NRG1: variants seen among roughly 807,000 people sequenced by gnomAD.
The protein encoded by NRG1 is pro-neuregulin-1, membrane-bound isoform.
NRG1 carries 18 observed loss-of-function variants against 63.8 expected under a neutral mutation model. The observed-to-expected ratio is 0.28, with a 90% confidence interval of 0.19 to 0.42. The LOEUF (loss-of-function observed/expected upper bound fraction) is 0.42. NRG1 is among the 10% of genes least tolerant of loss of function. NRG1 has a pLI of 1.00. For missense variants in NRG1, 762 were observed against 814.7 expected (o/e 0.94, Z 0.79); for synonymous variants, 302 against 301.3 (o/e 1.00, Z -0.02).
intron 1 of NRG1, among the ~76,000 whole-genome samples, chr8:32,067,628 G>T (rs1416314545): frequency 6.6e-6 from 1 of 151,998 alleles, no homozygotes; most frequent in African/African-American, 2.4e-5. Flanking sequence ...CCCTGAGAGT[G>T]AACCTCACCT....
intron 1 of NRG1, among the ~76,000 whole-genome samples, chr8:31,921,467 TACACACACATAC>T (rs1198259389): frequency 3.7e-5 from 3 of 82,092 alleles, no homozygotes; most frequent in African/African-American, 5.6e-5. Flanking sequence ...TTTACACACA[TACACACACATAC>T]ACACACACAC....
At chr8:32,129,045 C>T (rs540435972) in intron 1 of NRG1, among the ~76,000 whole-genome samples, 1 of 151,916 alleles carries the variant, frequency 6.6e-6, no homozygotes, top group Non-Finnish European at 1.5e-5. Context: ...ATTTATGCTC[C>T]CACAATAGTC....
At chr8:32,149,543 A>G (rs1241722084) in intron 1 of NRG1, among the ~76,000 whole-genome samples, 1 of 152,210 alleles carries the variant, frequency 6.6e-6, no homozygotes, top group Non-Finnish European at 1.5e-5. Context: ...TGTAGTTTAT[A>G]CAGAGGATTT....
At chr8:31,800,867 G>A (rs1391132983) in intron 1 of NRG1, among the ~76,000 whole-genome samples, 2 of 122,190 alleles carry the variant, frequency 1.6e-5, no homozygotes, top group East Asian at 2.2e-4. Flanking sequence ...TTGAGATGGA[G>A]TCTCGCTCCA....
chr8:32,437,873 A>G (rs1020705672), intron 1 of NRG1, among the ~76,000 whole-genome samples: 10 of 152,188 alleles, frequency 6.6e-5, no homozygotes, highest in Non-Finnish European at 1.5e-4. Context: ...AAAAAGATAG[A>G]TACTTTTGAT....
At chr8:32,122,631 A>C (rs1026507065) in intron 1 of NRG1, among the ~76,000 whole-genome samples, 1 of 151,632 alleles carries the variant, frequency 6.6e-6, no homozygotes, top group Non-Finnish European at 1.5e-5. Context: ...TATTATTATT[A>C]TTATTATTAT....
At chr8:31,704,049 T>G (rs1472286798) in intron 1 of NRG1, among the ~76,000 whole-genome samples, 1 of 152,206 alleles carries the variant, frequency 6.6e-6, no homozygotes, top group Non-Finnish European at 1.5e-5. Flanking sequence ...TGTTACTTCT[T>G]GGCTTCAACC....
intron 1 of NRG1, among the ~76,000 whole-genome samples, chr8:32,182,777 A>T (rs910891390): frequency 2.6e-5 from 4 of 152,134 alleles, no homozygotes; most frequent in African/African-American, 9.7e-5. Flanking sequence ...ACTATGGTTT[A>T]TATTTTTTGC....
chr8:31,920,388 A>C (rs1314892429), intron 1 of NRG1, among the ~76,000 whole-genome samples: 1 of 152,196 alleles, frequency 6.6e-6, no homozygotes, highest in Non-Finnish European at 1.5e-5. Flanking sequence ...ATATACTGGC[A>C]GATACTTAGT....
intron 1 of NRG1, among the ~76,000 whole-genome samples, chr8:31,995,561 T>C (rs1385038075): frequency 6.6e-6 from 1 of 151,984 alleles, no homozygotes; most frequent in Non-Finnish European, 1.5e-5. Context: ...TATAGGCAGA[T>C]GCTATTCCTT....
Position 32,764,382 on chromosome 8 carries a change from C to T in NRG1, c.1894C>T (p.Gln632Ter), listed in dbSNP as rs1020384478. The change falls in exon 12 of 12, where the codon CAA becomes TAA. Residue 632 changes from glutamine (Q) to a stop codon, truncating the protein, a stop_gained. Transcript: ENST00000356819. LOFTEE classifies it high-confidence loss of function. Reference sequence around the variant, plus strand: ...CAGGCTGTCTAGTGTAATTGCTAACCAAGACCCTATTGCTGTATAAAACCT... The same window carrying T: ...CAGGCTGTCTAGTGTAATTGCTAACTAAGACCCTATTGCTGTATAAAACCT... 6.9e-6 allele frequency: 11 copies of T among 1,600,068 alleles called. No individual in the cohort carries two copies. The highest frequency in any genetic ancestry group is 9.4e-6 in the Non-Finnish European group (11 of 1,172,286).
chr8:32,068,726 T>G (rs1825281766), intron 1 of NRG1, among the ~76,000 whole-genome samples: 1 of 152,220 alleles, frequency 6.6e-6, no homozygotes, highest in African/African-American at 2.4e-5. Flanking sequence ...GGCATGGGTT[T>G]CATGCCCTAC....
chr8:32,212,795 C>T lies in NRG1; in HGVS notation c.38-383033C>T, dbSNP rs987620707. Among the ~76,000 whole-genome samples, 5 of 152,074 alleles carry T rather than the reference C, an allele frequency of 3.3e-5. No individual in the cohort carries two copies. The South Asian group carries it at 8.3e-4, about 25-fold the overall frequency. On this transcript the variant is annotated intron_variant, in intron 1 of 10. Coordinates refer to the NRG1 transcript ENST00000519301. ...TGGTTCTTGTTATTCTTTGACCTCA[C>T]GGTTAAATTTGATTTGCTAATTTTG...
chr8:31,945,679 G>A (rs572933916), intron 1 of NRG1, among the ~76,000 whole-genome samples: 2 of 152,278 alleles, frequency 1.3e-5, no homozygotes, highest in African/African-American at 4.8e-5. Flanking sequence ...GCTCCCTTTC[G>A]ACAGGTCCTT....
At chr8:31,993,897 A>T (rs908182269) in intron 1 of NRG1, among the ~76,000 whole-genome samples, 74 of 152,014 alleles carry the variant, frequency 4.9e-4, no homozygotes, top group Non-Finnish European at 1.1e-3. Flanking sequence ...AACCCTACTG[A>T]GTAATTGGCT....
chr8:32,591,238 G>A lies in NRG1; in HGVS notation c.101-4590G>A, dbSNP rs1320337810. On this transcript the variant is annotated intron_variant, in intron 1 of 11. Transcript: ENST00000356819. ...CGCAGCAGGGACATTATTACACCTG[G>A]ACTTCTAGGGATGCAAAGTTAGAGT... Among the ~76,000 whole-genome samples the A allele has an allele frequency of 4.6e-5, 7 of 152,146 alleles. 1 individual carries two copies. In the East Asian group the frequency reaches 1.3e-3, roughly 29 times the overall value.
At chr8:32,259,734 C>A (rs12549259) in intron 1 of NRG1, among the ~76,000 whole-genome samples, 3 of 151,900 alleles carry the variant, frequency 2.0e-5, no homozygotes, top group African/African-American at 7.3e-5. Flanking sequence ...TTCAACCTTC[C>A]TTTTCCCTAT....
At chr8:31,816,413 G>T (rs1353717684) in intron 1 of NRG1, among the ~76,000 whole-genome samples, 2 of 152,166 alleles carry the variant, frequency 1.3e-5, no homozygotes, top group East Asian at 3.9e-4. Context: ...TTAAATGCTT[G>T]TAATTCCTTC....
chr8:31,757,998 GT>G, intron 1 of NRG1, among the ~76,000 whole-genome samples: 1 of 152,130 alleles, frequency 6.6e-6, no homozygotes, highest in East Asian at 1.9e-4. Flanking sequence ...AGTGTTAGCT[GT>G]TCTCGAACTT....
Sources: gnomAD v4.1 joint callset for allele counts (sites outside exome capture counted in the v4.1 genomes callset) on GRCh38, gnomAD v4.1.1 for gene constraint, MANE v1.5 for transcripts, NCBI Gene and HGNC (gene_info 2026-07-23, HGNC 2026-07-21) for gene names.